The following CDKAL1 variants were observed in gnomAD, a reference collection of about 807,000 sequenced individuals.
CDKAL1 encodes the protein threonylcarbamoyladenosine tRNA methylthiotransferase.
Under a neutral mutation model 68.2 loss-of-function variants are expected in CDKAL1, and 32 were observed. The ratio of observed to expected loss-of-function variants is 0.47; its 90% CI spans 0.35 to 0.63. The LOEUF is 0.63. Ranked by LOEUF, CDKAL1 falls within the 30% of genes least tolerant of loss-of-function variation. The pLI, the probability that CDKAL1 is intolerant of heterozygous loss-of-function variation, is 0.00. For synonymous variants in CDKAL1, 234 were observed against 244.3 expected (o/e 0.96, Z 0.39); for missense variants, 606 against 696.7 (o/e 0.87, Z 1.47).
chr6:21,104,220 C>G (rs1043572181), intron 12 of CDKAL1, among the ~76,000 whole-genome samples: 1 of 152,148 alleles, frequency 6.6e-6, no homozygotes, highest in Non-Finnish European at 1.5e-5. Context: ...TACATAGAAG[C>G]ACTGAGGAAA....
At chr6:20,734,248 C>A (rs1036051901) in intron 5 of CDKAL1, among the ~76,000 whole-genome samples, 2 of 150,982 alleles carry the variant, frequency 1.3e-5, no homozygotes, top group African/African-American at 4.9e-5. Flanking sequence ...TTTATGTTTT[C>A]TATATTACTC....
chr6:21,206,727 A>G (rs1024436037), intron 15 of CDKAL1, among the ~76,000 whole-genome samples: 2 of 152,188 alleles, frequency 1.3e-5, no homozygotes, highest in African/African-American at 4.8e-5. Flanking sequence ...GCTATGATCA[A>G]GTACAACTTT....
At chr6:20,712,304 CT>C (rs1771883270) in intron 5 of CDKAL1, among the ~76,000 whole-genome samples, 1 of 152,114 alleles carries the variant, frequency 6.6e-6, no homozygotes, top group Admixed American at 6.5e-5. Flanking sequence ...TCAGGAAAGA[CT>C]TTTCTGGAGG....
chr6:21,165,405 T>G (rs1777111648), intron 13 of CDKAL1, among the ~76,000 whole-genome samples: 1 of 152,234 alleles, frequency 6.6e-6, no homozygotes, highest in Non-Finnish European at 1.5e-5. Flanking sequence ...TGGATTCTTT[T>G]TATTTACTCC....
chr6:20,912,717 A>T (rs1762521158), intron 9 of CDKAL1, among the ~76,000 whole-genome samples: 1 of 152,176 alleles, frequency 6.6e-6, no homozygotes, highest in Admixed American at 6.5e-5. Context: ...ATCTATTGCT[A>T]TATAACAAAT....
chr6:21,117,419 G>A (rs1156923334), intron 13 of CDKAL1, among the ~76,000 whole-genome samples: 3 of 151,488 alleles, frequency 2.0e-5, no homozygotes, highest in African/African-American at 4.9e-5. Context: ...GGGCGGATCT[G>A]TTGAACCCAG....
intron 5 of CDKAL1, among the ~76,000 whole-genome samples, chr6:20,729,285 A>C (rs941162438): frequency 6.6e-6 from 1 of 152,194 alleles, no homozygotes; most frequent in African/African-American, 2.4e-5. Flanking sequence ...GCTTGTCAGG[A>C]TGCAGCCTTC....
At chr6:20,997,348 T>G (rs1034589595) in intron 10 of CDKAL1, among the ~76,000 whole-genome samples, 6 of 152,050 alleles carry the variant, frequency 3.9e-5, no homozygotes, top group African/African-American at 1.4e-4. Flanking sequence ...AAACAAAAAA[T>G]ACATACTTTG....
intron 13 of CDKAL1, among the ~76,000 whole-genome samples, chr6:21,188,593 C>T (rs1274721326): frequency 6.6e-6 from 1 of 152,176 alleles, no homozygotes; most frequent in African/African-American, 2.4e-5. Flanking sequence ...TGGGCCCTTT[C>T]CATGAATCAG....
chr6:21,141,326 G>A (rs1276280283), intron 13 of CDKAL1, among the ~76,000 whole-genome samples: 2 of 152,118 alleles, frequency 1.3e-5, no homozygotes, highest in Non-Finnish European at 2.9e-5. Flanking sequence ...GCACCTCCAC[G>A]AAGCCTTTGC....
chr6:21,032,288 C>T (rs1211042710), intron 11 of CDKAL1, among the ~76,000 whole-genome samples: 2 of 152,062 alleles, frequency 1.3e-5, no homozygotes, highest in Non-Finnish European at 2.9e-5. Flanking sequence ...TGGGGTTTCA[C>T]CATGTTGCCC....
At chr6:20,550,382 T>C (rs1763771886) in intron 4 of CDKAL1, among the ~76,000 whole-genome samples, 2 of 152,324 alleles carry the variant, frequency 1.3e-5, no homozygotes, top group South Asian at 2.1e-4. Context: ...GTTCCAATCT[T>C]GGCCATTAGG....
At chr6:21,060,000 A>C (rs1771058075) in intron 11 of CDKAL1, among the ~76,000 whole-genome samples, 1 of 152,168 alleles carries the variant, frequency 6.6e-6, no homozygotes, top group Non-Finnish European at 1.5e-5. Context: ...ACTTATTTAT[A>C]AGTGAGAACA....
chr6:21,047,327 A>C (rs936163917), intron 11 of CDKAL1, among the ~76,000 whole-genome samples: 2 of 152,198 alleles, frequency 1.3e-5, no homozygotes, highest in Non-Finnish European at 2.9e-5. Context: ...ACTGCTCACA[A>C]TGATAGTATC....
At chr6:21,009,187 A>T (rs1333561974) in intron 11 of CDKAL1, among the ~76,000 whole-genome samples, 1 of 152,212 alleles carries the variant, frequency 6.6e-6, no homozygotes, top group Non-Finnish European at 1.5e-5. Context: ...TCACAGTGCT[A>T]ATAATTGCCA....
intron 11 of CDKAL1, among the ~76,000 whole-genome samples, chr6:21,059,049 C>T (rs372633074): frequency 1.5e-4 from 23 of 152,326 alleles, no homozygotes; most frequent in African/African-American, 5.5e-4. Flanking sequence ...TTGCAGCTGC[C>T]CCTCCCCTCA....
At chr6:21,087,798 GCACA>G (rs78109055) in intron 12 of CDKAL1, among the ~76,000 whole-genome samples, 2 of 150,766 alleles carry the variant, frequency 1.3e-5, no homozygotes, top group African/African-American at 2.4e-5. Context: ...ATGCATGCGT[GCACA>G]CACACACACA....
At chr6:20,826,479 G>A (rs753601429) in intron 8 of CDKAL1, among the ~76,000 whole-genome samples, 3 of 152,162 alleles carry the variant, frequency 2.0e-5, no homozygotes, top group Non-Finnish European at 4.4e-5. Context: ...CTCATCATGT[G>A]TCATGTGCCT....
At chr6:20,886,594 G>A (rs1761077514) in intron 9 of CDKAL1, among the ~76,000 whole-genome samples, 1 of 152,214 alleles carries the variant, frequency 6.6e-6, no homozygotes, top group African/African-American at 2.4e-5. Context: ...GCTACAGCAT[G>A]ATGAACCCTG....
Sources: allele counts gnomAD v4.1 joint callset (sites outside exome capture counted in the v4.1 genomes callset), GRCh38; gene constraint gnomAD v4.1.1; transcripts MANE v1.5; gene names NCBI Gene and HGNC (gene_info 2026-07-23, HGNC 2026-07-21).